Variants in RORB observed in about 807,000 individuals in gnomAD.
The protein encoded by RORB is RAR related orphan receptor B, also known as nuclear receptor ROR-beta.
A neutral mutation model predicts 59.1 loss-of-function variants in RORB; 6 were observed. The ratio of observed to expected loss-of-function variants is 0.10; its 90% CI spans 0.06 to 0.20. The LOEUF (loss-of-function observed/expected upper bound fraction) is 0.20, where lower values mean the gene tolerates loss of function less well. Ranked by LOEUF, RORB falls within the 10% of genes least tolerant of loss-of-function variation. The probability of loss-of-function intolerance (pLI) is 1.00; values close to 1 mark genes in which losing one functional copy is unlikely to be tolerated. For synonymous variants in RORB, 215 were observed against 204.5 expected (o/e 1.05, Z -0.44); for missense variants, 320 against 560.5 (o/e 0.57, Z 4.33).
rs112197599 is a variant in RORB, at chr9:74,593,760, A to G, written c.8-36522A>G. ...AATGCACTAATCCAGCCAGAAGAGC[A>G]ATAGATTCTCAGCAAACAGAGGAAC... On this transcript the variant is annotated intron_variant, in intron 1 of 9. Transcript: ENST00000376896. Among the ~76,000 whole-genome samples the G allele has an allele frequency of 9.2e-4, 140 of 152,344 alleles. 2 individuals are homozygous for G. The highest frequency in any genetic ancestry group is 3.1e-3 in the African/African-American group (129 of 41,582).
At chr9:74,646,167 G>A (rs919277249) in intron 4 of RORB, among the ~76,000 whole-genome samples, 1 of 151,846 alleles carries the variant, frequency 6.6e-6, no homozygotes, top group South Asian at 2.1e-4. Context: ...TTGGCTACCA[G>A]AAGTCCTGAT....
chr9:74,516,216 T>C (rs1232958061), intron 1 of RORB, among the ~76,000 whole-genome samples: 1 of 152,114 alleles, frequency 6.6e-6, no homozygotes, highest in Non-Finnish European at 1.5e-5. Context: ...TCAAATTAGA[T>C]AACATCATAA....
chr9:74,564,334 T>C (rs985216180), intron 1 of RORB, among the ~76,000 whole-genome samples: 4 of 152,228 alleles, frequency 2.6e-5, no homozygotes, highest in African/African-American at 7.2e-5. Context: ...AAAAAGCAAA[T>C]GAAGCATAAG....
chr9:74,605,668 TA>T (rs1823137880), intron 1 of RORB, among the ~76,000 whole-genome samples: 1 of 152,226 alleles, frequency 6.6e-6, no homozygotes, highest in East Asian at 1.9e-4. Context: ...CAATATTTAG[TA>T]CTTAAACATT....
At chr9:74,612,451 T>A (rs180690417) in intron 1 of RORB, among the ~76,000 whole-genome samples, 2 of 152,240 alleles carry the variant, frequency 1.3e-5, no homozygotes, top group African/African-American at 4.8e-5. Flanking sequence ...GGTGATGTGA[T>A]AAAACTGAAA....
chr9:74,628,421 A>G (rs745413100), intron 1 of RORB, among the ~76,000 whole-genome samples: 5 of 152,142 alleles, frequency 3.3e-5, no homozygotes, highest in Non-Finnish European at 7.4e-5. Flanking sequence ...GTATCAGGAT[A>G]TTTAGCTAAT....
In RORB at chr9:74,691,442, G is replaced by C. The variant is rs940605957; in HGVS notation, c.*5824G>C. Reference sequence around the variant, plus strand: ...AAATCCCACATCCAAGCACAGTACCGTCTGCTTCATCTGATTAACACACAC... The same window carrying C: ...AAATCCCACATCCAAGCACAGTACCCTCTGCTTCATCTGATTAACACACAC... On this transcript the variant is annotated 3_prime_UTR_variant, in exon 10 of 10. Coordinates refer to ENST00000376896, the MANE Select transcript of RORB (RefSeq NM_006914.4). 6.6e-6 allele frequency: 1 copy of C among 152,172 alleles called. No individual in the cohort carries two copies. The highest frequency in any genetic ancestry group is 1.5e-5 in the Non-Finnish European group (1 of 68,052). The allele number at this position is 152,172 out of a possible 1,614,324, so 9.4% of individuals were successfully genotyped here. A position where few individuals can be genotyped will look rare whatever the true frequency, so the allele number is the denominator to read the frequency against.
intron 2 of RORB, among the ~76,000 whole-genome samples, 193 bp from the exon 3 acceptor site, chr9:74,634,438 T>C (rs996852732): frequency 6.6e-6 from 1 of 152,238 alleles, no homozygotes; most frequent in African/African-American, 2.4e-5. Context: ...AATGATACCC[T>C]CATATCTTTG....
chr9:74,545,092 C>A lies in RORB; in HGVS notation c.7+47109C>A, dbSNP rs1229015777. Among the ~76,000 whole-genome samples the A allele has an allele frequency of 4.1e-5, 6 of 147,430 alleles. No individual in the cohort carries two copies. In the South Asian group the frequency reaches 1.3e-3, roughly 33 times the overall value. ...TTTCTCTTCCCTTCTATGTTCACTG[C>A]GAGCAGGTTTTTTTTTTTTTGCGGC... On this transcript the variant is annotated intron_variant, in intron 1 of 9. Transcript: ENST00000376896.
chr9:74,544,452 C>A (rs764240069), intron 1 of RORB, among the ~76,000 whole-genome samples: 7 of 152,160 alleles, frequency 4.6e-5, no homozygotes, highest in Non-Finnish European at 1.0e-4. Context: ...CATTTGCATA[C>A]AGTGGGGCTA....
At chr9:74,505,727 T>C (rs1376549293) in intron 1 of RORB, among the ~76,000 whole-genome samples, 1 of 152,122 alleles carries the variant, frequency 6.6e-6, no homozygotes, top group Non-Finnish European at 1.5e-5. Context: ...TTACTGTTAG[T>C]TGTACTCCTC....
In RORB at chr9:74,619,989, G is replaced by T. The variant is rs181731914; in HGVS notation, c.8-10293G>T. Among the ~76,000 whole-genome samples, 3 of 152,232 alleles carry T rather than the reference G, an allele frequency of 2.0e-5. No homozygotes were observed. The East Asian group carries it at 5.8e-4, about 29-fold the overall frequency. On this transcript the variant is annotated intron_variant, in intron 1 of 9. Transcript: ENST00000376896. ...TGCATCGATGTTCGTCAGGGATATT[G>T]GTCTAAAATTCTCTTTTTTTTGCTG...
chr9:74,622,233 A>G (rs1823432803), intron 1 of RORB, among the ~76,000 whole-genome samples: 1 of 152,190 alleles, frequency 6.6e-6, no homozygotes, highest in Non-Finnish European at 1.5e-5. Context: ...TGTAGGCTAG[A>G]GAAAGGGGTT....
At chr9:74,591,121 A>G (rs925902292) in intron 1 of RORB, among the ~76,000 whole-genome samples, 11 of 152,218 alleles carry the variant, frequency 7.2e-5, no homozygotes, top group Non-Finnish European at 1.3e-4. Flanking sequence ...AAGAAGTTTC[A>G]GAGCCAGCTG....
intron 1 of RORB, among the ~76,000 whole-genome samples, chr9:74,560,847 C>CTGTT (rs1784188436): frequency 6.6e-6 from 1 of 152,106 alleles, no homozygotes. Context: ...ACGTGGGTTT[C>CTGTT]TGTTTCTCTT....
chr9:74,662,869 C>A (rs1364406689), intron 6 of RORB, among the ~76,000 whole-genome samples: 1 of 151,798 alleles, frequency 6.6e-6, no homozygotes, highest in East Asian at 1.9e-4. Flanking sequence ...ACAGGCAGTG[C>A]AAGTAATTAG....
At chr9:74,632,556 T>G (rs1823636899) in intron 2 of RORB, among the ~76,000 whole-genome samples, 1 of 152,152 alleles carries the variant, frequency 6.6e-6, no homozygotes, top group South Asian at 2.1e-4. Context: ...TCAATAAAAT[T>G]TGGAACGCAA....
At position 74,692,407 on chromosome 9, in the gene RORB, G is replaced by A. The variant is rs994501730; in HGVS notation, c.*6789G>A. ...AATGCTTCCTTGCTTTTAGGATTGAGAGAAATGATTTTCATATACTTCCAA... is the reference window on the plus strand; with the variant it reads ...AATGCTTCCTTGCTTTTAGGATTGAAAGAAATGATTTTCATATACTTCCAA... On this transcript the variant is annotated 3_prime_UTR_variant, in exon 10 of 10. Transcript: ENST00000376896. 14 of 152,216 alleles carry A rather than the reference G, an allele frequency of 9.2e-5. No individual in the cohort carries two copies. The highest frequency in any genetic ancestry group is 1.3e-4 in the Non-Finnish European group (9 of 68,042). 9.4% of individuals were successfully genotyped at this position (152,216 alleles called of 1,614,324 possible).
At chr9:74,532,821 T>C (rs1243356535) in intron 1 of RORB, among the ~76,000 whole-genome samples, 2 of 143,392 alleles carry the variant, frequency 1.4e-5, no homozygotes, top group Non-Finnish European at 3.1e-5. Context: ...TATACACATA[T>C]ATATGTGTAT....
Sources: gnomAD v4.1 joint callset for allele counts (sites outside exome capture counted in the v4.1 genomes callset) on GRCh38, gnomAD v4.1.1 for gene constraint, MANE v1.5 for transcripts, NCBI Gene and HGNC (gene_info 2026-07-23, HGNC 2026-07-21) for gene names.